SLC35D2: variants seen among roughly 807,000 people sequenced by gnomAD.
SLC35D2 encodes nucleotide sugar transporter SLC35D2.
A neutral mutation model predicts 41.8 loss-of-function variants in SLC35D2; 43 were observed. The observed-to-expected ratio is 1.03, with a 90% CI of 0.81 to 1.33. The LOEUF is 1.33. SLC35D2 is among the 40% of genes most tolerant of loss of function. The probability of loss-of-function intolerance (pLI) is 0.00; values close to 1 mark genes in which losing one functional copy is unlikely to be tolerated. For synonymous variants in SLC35D2, 150 were observed against 163.9 expected (o/e 0.92, Z 0.65); for missense variants, 380 against 408.4 (o/e 0.93, Z 0.60).
intron 8 of SLC35D2, 88 bp downstream of exon 8, chr9:96,343,816 C>T (rs1426704105): frequency 8.8e-6 from 7 of 793,656 alleles, no homozygotes; most frequent in Non-Finnish European, 1.4e-5. Flanking sequence ...GCTAACTTTA[C>T]ACTTTTTGTT....
intron 2 of SLC35D2, 45 bp downstream of exon 2, chr9:96,368,227 T>C (rs760062250): frequency 1.4e-6 from 2 of 1,477,414 alleles, no homozygotes; most frequent in Non-Finnish European, 1.9e-6. Flanking sequence ...TCATTATGAA[T>C]ACTGATAACA....
intron 8 of SLC35D2, among the ~76,000 whole-genome samples, chr9:96,342,563 C>T (rs576654337): frequency 1.3e-5 from 2 of 152,268 alleles, no homozygotes; most frequent in East Asian, 3.9e-4. Context: ...GGTGCAGGTG[C>T]CCGCTTTATC....
chr9:96,332,015 G>A (rs1288765754), intron 9 of SLC35D2, among the ~76,000 whole-genome samples: 2 of 152,146 alleles, frequency 1.3e-5, no homozygotes, highest in African/African-American at 4.8e-5. Context: ...TAAAAAGGTT[G>A]GGGACTGCTG....
intron 6 of SLC35D2, among the ~76,000 whole-genome samples, chr9:96,348,919 A>G (rs1829694079): frequency 6.6e-6 from 1 of 152,222 alleles, no homozygotes; most frequent in Non-Finnish European, 1.5e-5. Context: ...CCACAGTTTT[A>G]TAAACCATTT....
At position 96,352,067 on chromosome 9, in the gene SLC35D2, A is replaced by G. The variant is rs1457154722; in HGVS notation, c.390T>C (p.Leu130=). ...GTATGATGGTTTCCAGAAGTAAGGT[A>G]AGTGGAATGGTGAATTTCCTGAGCA... The part of the protein sequence containing the change: ...FTVLRKFTIP[L]TLLLETIILG... Residue 130 remains leucine, a synonymous_variant, in exon 5 of 12, where the codon CTT becomes CTC. Coordinates refer to ENST00000253270, the MANE Select transcript of SLC35D2 (RefSeq NM_007001.3). 1 of 1,612,686 alleles carries G rather than the reference A, an allele frequency of 6.2e-7. No individual in the cohort carries two copies. The highest frequency in any genetic ancestry group is 1.1e-5 in the South Asian group (1 of 90,830).
intron 4 of SLC35D2, among the ~76,000 whole-genome samples, chr9:96,359,460 C>T (rs1320305684): frequency 4.6e-5 from 7 of 152,084 alleles, no homozygotes; most frequent in Middle Eastern, 3.4e-3. Flanking sequence ...GAGGCCAAAG[C>T]GGATGGATCA....
intron 1 of SLC35D2, among the ~76,000 whole-genome samples, chr9:96,381,906 C>G (rs1831213210): frequency 6.6e-6 from 1 of 152,168 alleles, no homozygotes; most frequent in Non-Finnish European, 1.5e-5. Flanking sequence ...ACATTGTACA[C>G]TTGCTGCTCA....
chr9:96,367,220 A>C (rs1053380056), intron 2 of SLC35D2, among the ~76,000 whole-genome samples: 4 of 81,398 alleles, frequency 4.9e-5, no homozygotes, highest in African/African-American at 4.5e-4. Flanking sequence ...ACTCAGTCAC[A>C]AAAAAAAAAA....
At chr9:96,344,025 C>A in intron 7 of SLC35D2, 29 bp from the exon 8 acceptor site, 1 of 1,462,136 alleles carries the variant, frequency 6.8e-7, no homozygotes, top group South Asian at 1.2e-5. Flanking sequence ...AAAAACCACT[C>A]AGTTTCAGAA....
Position 96,343,978 on chromosome 9 carries a change from C to G in SLC35D2, c.610G>C (p.Val204Leu), listed in dbSNP as rs1028769069. The change falls in exon 8 of 12, where the codon GTA (valine) becomes CTA (leucine). Residue 204 changes from valine (V) to leucine (L), a missense_variant. Val to Leu is a conservative substitution (Grantham distance 32). Transcript: ENST00000253270. ...MDPKELGKYG[V>L]LFYNACFMII... Reference sequence around the variant, plus strand: ...ATGAAGCAGGCATTGTAGAAAAGTACTCCGTATTTCCCTAGCTCCTGCAAA... The same window carrying G: ...ATGAAGCAGGCATTGTAGAAAAGTAGTCCGTATTTCCCTAGCTCCTGCAAA... 3 of 1,598,018 alleles carry G rather than the reference C, an allele frequency of 1.9e-6. No individual in the cohort carries two copies. The South Asian group carries it at 3.4e-5, about 18-fold the overall frequency.
intron 1 of SLC35D2, among the ~76,000 whole-genome samples, chr9:96,382,345 T>C (rs546749495): frequency 6.6e-6 from 1 of 151,960 alleles, no homozygotes; most frequent in South Asian, 2.1e-4. Flanking sequence ...TCCCAGCTTC[T>C]CTGGAGGCTG....
chr9:96,337,258 G>A (rs1353798046), intron 8 of SLC35D2, among the ~76,000 whole-genome samples: 2 of 151,990 alleles, frequency 1.3e-5, no homozygotes. Flanking sequence ...TGTCACCCAG[G>A]CTGGAGTGCA....
intron 5 of SLC35D2, 72 bp downstream of exon 5, chr9:96,351,966 T>C: frequency 1.0e-6 from 1 of 967,142 alleles, no homozygotes; most frequent in Non-Finnish European, 1.6e-6. Flanking sequence ...CAATGGCTAC[T>C]AGAATTTGCT....
In SLC35D2 at chr9:96,342,490, A is replaced by G. The variant is rs1258028361; in HGVS notation, c.684+1414T>C. ...CACTGACTCAGTTTAAAATTGATTGATGGTAGCTGAAAAACAAATACTGTG... is the reference window on the plus strand; with the variant it reads ...CACTGACTCAGTTTAAAATTGATTGGTGGTAGCTGAAAAACAAATACTGTG... On this transcript the variant is annotated intron_variant, in intron 8 of 11. Coordinates refer to ENST00000253270, the MANE Select transcript of SLC35D2 (RefSeq NM_007001.3). 2.0e-5 allele frequency among the ~76,000 whole-genome samples: 3 copies of G among 152,090 alleles called. No homozygotes were observed. The East Asian group carries it at 5.8e-4, about 29-fold the overall frequency.
chr9:96,359,287 G>A lies in SLC35D2; in HGVS notation c.347+867C>T, dbSNP rs533178017. Among the ~76,000 whole-genome samples the A allele has an allele frequency of 3.6e-3, 534 of 149,308 alleles. 3 individuals carry two copies. The highest frequency in any genetic ancestry group is 6.2e-3 in the Non-Finnish European group (416 of 67,598). On this transcript the variant is annotated intron_variant, in intron 4 of 11. Coordinates refer to ENST00000253270, the MANE Select transcript of SLC35D2 (RefSeq NM_007001.3). Reference sequence around the variant, plus strand: ...CCACTGCACTCACTCTAGCCTGGGCGACAGAGCGAGACTCCGTCTCAAAAA... The same window carrying A: ...CCACTGCACTCACTCTAGCCTGGGCAACAGAGCGAGACTCCGTCTCAAAAA...
At chr9:96,333,004 T>C (rs1206012277) in intron 9 of SLC35D2, among the ~76,000 whole-genome samples, 1 of 150,550 alleles carries the variant, frequency 6.6e-6, no homozygotes, top group Non-Finnish European at 1.5e-5. Flanking sequence ...GTTCAAGTGA[T>C]TCTCCTGCCT....
intron 6 of SLC35D2, among the ~76,000 whole-genome samples, chr9:96,350,333 G>A (rs1829758383): frequency 6.9e-6 from 1 of 145,044 alleles, no homozygotes; most frequent in Admixed American, 6.9e-5. Flanking sequence ...ACGACGCCAG[G>A]CTAATTTTCT....
chr9:96,341,158 G>A (rs554253240), intron 8 of SLC35D2, among the ~76,000 whole-genome samples: 4 of 152,118 alleles, frequency 2.6e-5, no homozygotes, highest in South Asian at 2.1e-4. Context: ...GTGGTGGTGC[G>A]CTCCTGTAAT....
chr9:96,349,856 A>G (rs563170636), intron 6 of SLC35D2, among the ~76,000 whole-genome samples: 44 of 152,170 alleles, frequency 2.9e-4, no homozygotes, highest in African/African-American at 1.0e-3. Flanking sequence ...ACCTTCAGAG[A>G]GTAGAAGGGG....
Sources: gnomAD v4.1 joint callset for allele counts (sites outside exome capture counted in the v4.1 genomes callset) on GRCh38, gnomAD v4.1.1 for gene constraint, MANE v1.5 for transcripts, NCBI Gene and HGNC (gene_info 2026-07-23, HGNC 2026-07-21) for gene names.